The following ECM2 variants were observed in gnomAD, a reference collection of about 807,000 sequenced individuals.
ECM2 encodes the protein extracellular matrix protein 2.
ECM2 carries 57 observed loss-of-function variants against 67.5 expected under a neutral mutation model. The ratio of observed to expected loss-of-function variants is 0.84; its 90% CI spans 0.68 to 1.05. The LOEUF (loss-of-function observed/expected upper bound fraction) is 1.05. Among genes scored for constraint, ECM2 ranks in the 50% least tolerant of loss-of-function variants. ECM2 has a pLI of 0.00. For missense variants in ECM2, 741 were observed against 822.8 expected (o/e 0.90, Z 1.22); for synonymous variants, 258 against 294.5 (o/e 0.88, Z 1.27).
intron 9 of ECM2, among the ~76,000 whole-genome samples, chr9:92,500,060 C>G (rs10761161): frequency 0.45 from 68,188 of 152,070 alleles, 17,563 homozygotes; most frequent in African/African-American, 0.7. Context: ...CATATATTTA[C>G]GTTTTATGCT....
intron 9 of ECM2, 73 bp from the exon 10 acceptor site, chr9:92,496,556 T>C: frequency 6.5e-7 from 1 of 1,540,752 alleles, no homozygotes; most frequent in Non-Finnish European, 8.7e-7. Context: ...AGTTTAACAT[T>C]TGTTAAAAAA....
intron 4 of ECM2, among the ~76,000 whole-genome samples, chr9:92,514,169 C>T (rs1320417405): frequency 6.8e-6 from 1 of 148,122 alleles, no homozygotes; most frequent in Non-Finnish European, 1.5e-5. Flanking sequence ...GCTCTGTTGC[C>T]TAGACTAGTC....
Position 92,522,876 on chromosome 9 carries a change from T to C in ECM2, c.-10A>G. On this transcript the variant is annotated 5_prime_UTR_variant, in exon 2 of 10. Transcript: ENST00000344604. ...AAACTGCAATCTTCATGTTTGATTT[T>C]TTTCCACCAGCCAATTTCTAGAATG... is the stretch of plus-strand genomic sequence containing the variant. The C allele has an allele frequency of 6.3e-7, 1 of 1,584,526 alleles. No homozygotes were observed. The highest frequency in any genetic ancestry group is 8.5e-7 in the Non-Finnish European group (1 of 1,170,274).
At chr9:92,543,003 CTT>C in the ECM2 span, among the ~76,000 whole-genome samples, 1 of 152,272 alleles carries the variant, frequency 6.6e-6, no homozygotes, top group East Asian at 1.9e-4. Context: ...TCTCTTGGCA[CTT>C]TTGTCAAAAA....
rs748974271 is a variant in ECM2, at chr9:92,515,196, A to G, written c.489T>C (p.Tyr163=). 4 of 1,567,440 alleles carry G rather than the reference A, an allele frequency of 2.6e-6. No individual in the cohort carries two copies. The highest frequency in any genetic ancestry group is 2.2e-5 in the East Asian group (1 of 44,490). The change falls in exon 4 of 10, where the codon TAT becomes TAC. Residue 163 remains tyrosine, a synonymous_variant. Transcript: ENST00000344604. The part of the protein sequence containing the change: ...CCPVCSATVS[Y]SLLSGIALND... ...TTAATGCTATACCACTGAGTAGAGAATAGGAGACTAATGACCACGCAAGGA... is the reference window on the plus strand; with the variant it reads ...TTAATGCTATACCACTGAGTAGAGAGTAGGAGACTAATGACCACGCAAGGA...
intron 1 of ECM2, chr9:92,527,994 C>T (rs781690893): frequency 6.5e-6 from 1 of 153,250 alleles, no homozygotes; most frequent in Non-Finnish European, 1.5e-5. Flanking sequence ...CTCTAGGAAG[C>T]GACCATGATG....
At chr9:92,505,825 T>G in intron 6 of ECM2, 135 bp from the exon 7 acceptor site, 1 of 683,064 alleles carries the variant, frequency 1.5e-6, no homozygotes, top group East Asian at 2.8e-5. Context: ...CTTTGTATCC[T>G]CCTATAAAAC....
chr9:92,544,390 C>T, the ECM2 span, among the ~76,000 whole-genome samples: 2 of 152,158 alleles, frequency 1.3e-5, no homozygotes, highest in Non-Finnish European at 2.9e-5. Flanking sequence ...GCACGAGAAT[C>T]GCTTGAATCT....
At chr9:92,540,722 G>T (rs1222970984), upstream of ECM2, among the ~76,000 whole-genome samples, 6 of 150,488 alleles carry the variant, frequency 4.0e-5, no homozygotes, top group African/African-American at 1.5e-4. Flanking sequence ...GGGGAGCCGA[G>T]ATCACACCAC....
chr9:92,510,083 C>T, intron 5 of ECM2, 49 bp from the exon 6 acceptor site: 1 of 1,551,754 alleles, frequency 6.4e-7, no homozygotes, highest in Non-Finnish European at 8.6e-7. Context: ...CACAGCTGTG[C>T]AGTCACATTT....
chr9:92,517,963 G>A (rs1847828213), intron 2 of ECM2, 88 bp from the exon 3 acceptor site: 1 of 1,450,756 alleles, frequency 6.9e-7, no homozygotes, highest in Admixed American at 1.9e-5. Context: ...AAGTCAAACT[G>A]CTCTAACCAC....
rs137867131 is a variant in ECM2, at chr9:92,526,514, G to A, written c.-27-3621C>T. On this transcript the variant is annotated intron_variant, in intron 1 of 9. Coordinates refer to ENST00000344604, the MANE Select transcript of ECM2 (RefSeq NM_001393.4). Reference sequence around the variant, plus strand: ...CATATAAACAACCTAATAATACATCGTAAAGAACTAGAAAAGCAACAGCAA... The same window carrying A: ...CATATAAACAACCTAATAATACATCATAAAGAACTAGAAAAGCAACAGCAA... Among the ~76,000 whole-genome samples, 167 of 151,398 alleles carry A rather than the reference G, an allele frequency of 1.1e-3. 2 individuals carry two copies. The East Asian group carries it at 0.015, about 13-fold the overall frequency.
the ECM2 span, among the ~76,000 whole-genome samples, chr9:92,542,804 G>A: frequency 6.6e-6 from 1 of 152,146 alleles, no homozygotes; most frequent in Non-Finnish European, 1.5e-5. Flanking sequence ...GAGCCACTGC[G>A]CCCGGCCCCC....
chr9:92,515,660 G>A (rs1014158806), intron 3 of ECM2, among the ~76,000 whole-genome samples: 3 of 152,170 alleles, frequency 2.0e-5, no homozygotes, highest in Admixed American at 1.3e-4. Flanking sequence ...TGAAACAGGT[G>A]TATATTTTAC....
At chr9:92,536,456 A>G (rs987554), upstream of ECM2, 67,923 of 149,550 alleles carry the variant, frequency 0.45, 16,977 homozygotes, top group African/African-American at 0.71. Flanking sequence ...TCATCTGCCC[A>G]CCCACCTCGA....
chr9:92,538,590 T>C (rs1186678852), upstream of ECM2, among the ~76,000 whole-genome samples: 1 of 152,188 alleles, frequency 6.6e-6, no homozygotes, highest in South Asian at 2.1e-4. Flanking sequence ...AAAACCAAAT[T>C]TTATAATTTC....
chr9:92,520,006 A>G (rs1231769406), intron 2 of ECM2, among the ~76,000 whole-genome samples: 2 of 103,474 alleles, frequency 1.9e-5, no homozygotes, highest in South Asian at 4.8e-4. Context: ...AACTTGCCCA[A>G]TACAGTGGCT....
chr9:92,535,596 CTTCA>C (rs1401986429), intron 1 of ECM2, among the ~76,000 whole-genome samples: 2 of 152,022 alleles, frequency 1.3e-5, no homozygotes, highest in South Asian at 2.1e-4. Flanking sequence ...TCTATTTTCA[CTTCA>C]TTCAACAGAT....
intron 1 of ECM2, among the ~76,000 whole-genome samples, chr9:92,525,106 C>G (rs1454613777): frequency 6.6e-6 from 1 of 151,952 alleles, no homozygotes; most frequent in Admixed American, 6.6e-5. Flanking sequence ...TTGCTTGAGG[C>G]CAGGAGTTTA....
Sources: allele counts gnomAD v4.1 joint callset (sites outside exome capture counted in the v4.1 genomes callset), GRCh38; gene constraint gnomAD v4.1.1; transcripts MANE v1.5; gene names NCBI Gene and HGNC (gene_info 2026-07-23, HGNC 2026-07-21).